ANK2: variants seen among roughly 807,000 people sequenced by gnomAD.
The protein encoded by ANK2 is ankyrin-2.
A neutral mutation model predicts 360.5 loss-of-function variants in ANK2; 83 were observed. The ratio of observed to expected loss-of-function variants is 0.23; its 90% CI spans 0.19 to 0.28. The LOEUF is 0.28. ANK2 is among the 10% of genes least tolerant of loss of function. The pLI, the probability that ANK2 is intolerant of heterozygous loss-of-function variation, is 1.00. For missense variants in ANK2, 4,201 were observed against 4,795.7 expected, an observed-to-expected ratio of 0.88 and a Z score of 3.66; for synonymous variants, 1,740 against 1,759.5, an observed-to-expected ratio of 0.99 and a Z score of 0.28.
the ANK2 span, among the ~76,000 whole-genome samples, chr4:112,805,573 T>G: frequency 0.55 from 80,951 of 147,580 alleles, 22,466 homozygotes; most frequent in East Asian, 0.89. Flanking sequence ...CAGATAGGCA[T>G]GCAGATTTTT....
chr4:112,975,091 T>C (rs1276633674), intron 2 of ANK2, among the ~76,000 whole-genome samples: 1 of 152,212 alleles, frequency 6.6e-6, no homozygotes, highest in African/African-American at 2.4e-5. Flanking sequence ...CACGTTGCTT[T>C]TCATCCAGTC....
chr4:113,355,852 G>T lies in ANK2; in HGVS notation c.7234G>T (p.Ala2412Ser). 1 of 1,614,050 alleles carries T rather than the reference G, an allele frequency of 6.2e-7. No homozygotes were observed. Among genetic ancestry groups the T allele is most frequent in the Non-Finnish European group, 8.5e-7 (1 of 1,179,946 alleles). ...TAGAAGTCCCCAAGGGTTAGAACTT[G>T]CACTCCCTAGCCGAGATAGCGAAGT... is the stretch of plus-strand genomic sequence containing the variant. ...VIRSPQGLELALPSRDSEVLS... is the reference protein window; with the variant it reads ...VIRSPQGLELSLPSRDSEVLS... Residue 2412 changes from alanine (A) to serine (S), a missense_variant, in exon 38 of 46, where the codon GCA (alanine) becomes TCA (serine). By Grantham distance (99) the Ala-to-Ser change is moderately conservative. This residue lies in a region of ANK2 where 2,642 missense variants were observed against 2,714.5 expected (regional missense o/e 0.97). Coordinates refer to ENST00000357077, the MANE Select transcript of ANK2 (RefSeq NM_001148.6).
the ANK2 span, among the ~76,000 whole-genome samples, chr4:112,774,551 C>T: frequency 3.1e-3 from 478 of 152,260 alleles, 1 homozygote; most frequent in South Asian, 7.7e-3. Context: ...AACTAACGAA[C>T]TGACTAACTA....
chr4:112,827,474 C>T (rs2058650650), intron 1 of ANK2: 1 of 1,350,536 alleles, frequency 7.4e-7, no homozygotes, highest in African/African-American at 1.4e-5. Flanking sequence ...TCTGGGACAT[C>T]CAGCCTGACA....
intron 2 of ANK2, among the ~76,000 whole-genome samples, chr4:112,957,018 T>G (rs1044663653): frequency 3.4e-5 from 5 of 147,562 alleles, no homozygotes; most frequent in Admixed American, 6.7e-5. Flanking sequence ...TTTTTTTTTT[T>G]TTTTTTTTTT....
intron 37 of ANK2, 45 bp from the exon 38 acceptor site, chr4:113,352,997 CTTT>C (rs752736124): frequency 6.3e-7 from 1 of 1,596,188 alleles, no homozygotes; most frequent in Non-Finnish European, 8.5e-7. Context: ...TTGCCAATAT[CTTT>C]TTTGATTTCC....
intron 26 of ANK2, among the ~76,000 whole-genome samples, chr4:113,321,107 G>A (rs376667505): frequency 7.9e-5 from 12 of 152,204 alleles, no homozygotes; most frequent in Admixed American, 4.6e-4. Flanking sequence ...ACTGACACTC[G>A]TATGTGACAT....
At chr4:113,225,900 A>G (rs2099214363) in intron 4 of ANK2, among the ~76,000 whole-genome samples, 1 of 152,164 alleles carries the variant, frequency 6.6e-6, no homozygotes, top group African/African-American at 2.4e-5. Context: ...TATTTTTGTA[A>G]TAAGTGTTTG....
In ANK2 at chr4:113,357,615, G is replaced by A. The variant is rs2095876250; in HGVS notation, c.8997G>A (p.Gln2999=). The stretch of plus-strand genomic sequence containing the variant: ...AGGACATAAAAATGGAATCCCAACA[G>A]GAAAGTACCTTGTGGGAAATGCAAT... ...EGQDIKMESQ[Q]ESTLWEMQSD... Residue 2999 remains glutamine (Q), a synonymous_variant, in exon 38 of 46, where the codon CAG becomes CAA. Transcript: ENST00000357077. 13 of 1,614,128 alleles carry A rather than the reference G, an allele frequency of 8.1e-6. No individual in the cohort carries two copies. Among genetic ancestry groups the A allele is most frequent in the Non-Finnish European group, 1.1e-5 (13 of 1,179,980 alleles).
rs1056966801 is a variant in ANK2, at chr4:113,233,228, G to A, written c.483+969G>A. On this transcript the variant is annotated intron_variant, in intron 5 of 45. Coordinates refer to ENST00000357077, the MANE Select transcript of ANK2 (RefSeq NM_001148.6). ...CGGCTCACTGCAAGCTCCGCCTCCC[G>A]GGTTCACGCCATTCTCCTGCCTCAG... 8.8e-4 allele frequency among the ~76,000 whole-genome samples: 122 copies of A among 139,266 alleles called. 1 individual carries two copies. Among genetic ancestry groups the A allele is most frequent in the Non-Finnish European group, 1.7e-3 (114 of 65,220 alleles). 91.4% of individuals were successfully genotyped at this position (139,266 alleles called of 152,430 possible). A position where few individuals can be genotyped will look rare whatever the true frequency, so the allele number is the denominator to read the frequency against.
the ANK2 span, among the ~76,000 whole-genome samples, chr4:112,728,032 T>G: frequency 2.8e-4 from 42 of 151,314 alleles, no homozygotes; most frequent in African/African-American, 9.9e-4. Context: ...CGGTGGCTCA[T>G]GCCTGCAATC....
At chr4:113,352,295 T>C (rs1172792190) in intron 37 of ANK2, among the ~76,000 whole-genome samples, 1 of 152,200 alleles carries the variant, frequency 6.6e-6, no homozygotes, top group Non-Finnish European at 1.5e-5. Context: ...GTTTCTGTTG[T>C]TTTTCTTTCC....
chr4:113,056,138 A>G (rs1281984101), intron 1 of ANK2, among the ~76,000 whole-genome samples: 2 of 152,214 alleles, frequency 1.3e-5, no homozygotes, highest in Admixed American at 6.5e-5. Context: ...ACAAAAATGT[A>G]AGAAACAAAA....
intron 14 of ANK2, 115 bp downstream of exon 14, chr4:113,265,110 G>A (rs773847175): frequency 1.7e-5 from 17 of 1,016,080 alleles, no homozygotes; most frequent in Non-Finnish European, 2.4e-5. Flanking sequence ...GTAAGTGAAA[G>A]GATCAATTCA....
At chr4:113,089,219 C>G (rs1306487339) in intron 1 of ANK2, among the ~76,000 whole-genome samples, 1 of 152,200 alleles carries the variant, frequency 6.6e-6, no homozygotes, top group Non-Finnish European at 1.5e-5. Context: ...ATGGGAGGAA[C>G]TGTAAACATT....
intron 2 of ANK2, among the ~76,000 whole-genome samples, chr4:112,974,932 T>C (rs536105461): frequency 2.0e-5 from 3 of 152,236 alleles, no homozygotes; most frequent in South Asian, 2.1e-4. Context: ...GAAAATGACA[T>C]AGAAAGGAAT....
At position 113,173,325 on chromosome 4, in the gene ANK2, A is replaced by G. The variant is rs28409273; in HGVS notation, c.85-1091A>G. Reference sequence around the variant, plus strand: ...TCATAATAAATAGCTCTGACCGAGTATGCCAAGAGGTTCTTGCCAAGTACT... The same window carrying G: ...TCATAATAAATAGCTCTGACCGAGTGTGCCAAGAGGTTCTTGCCAAGTACT... On this transcript the variant is annotated intron_variant, in intron 1 of 45. Coordinates refer to ENST00000357077, the MANE Select transcript of ANK2 (RefSeq NM_001148.6). Among the ~76,000 whole-genome samples the G allele has an allele frequency of 2.6e-3, 397 of 152,322 alleles. 3 individuals are homozygous for G. The highest frequency in any genetic ancestry group is 9.1e-3 in the African/African-American group (377 of 41,570).
chr4:113,340,938 G>T (rs1409702871), intron 32 of ANK2, among the ~76,000 whole-genome samples: 4 of 151,952 alleles, frequency 2.6e-5, no homozygotes, highest in Non-Finnish European at 5.9e-5. Flanking sequence ...TAATGACCTC[G>T]ACTTTCTTTG....
chr4:113,158,466 C>CT (rs1184810225), intron 1 of ANK2, among the ~76,000 whole-genome samples: 2 of 151,860 alleles, frequency 1.3e-5, no homozygotes, highest in African/African-American at 4.8e-5. Flanking sequence ...GTGGAGGAAA[C>CT]TCAATTACTA....
Sources: gnomAD v4.1 joint callset for allele counts (sites outside exome capture counted in the v4.1 genomes callset) on GRCh38, gnomAD v4.1.1 for gene constraint, gnomAD v4.1.1 regional missense constraint, MANE v1.5 for transcripts, NCBI Gene and HGNC (gene_info 2026-07-23, HGNC 2026-07-21) for gene names.